The following CACNA2D3 variants were observed in gnomAD, a reference collection of about 807,000 sequenced individuals.
CACNA2D3 encodes the protein calcium voltage-gated channel auxiliary subunit alpha2delta 3, also known as voltage-dependent calcium channel subunit alpha-2/delta-3.
Under a neutral mutation model 160.6 loss-of-function variants are expected in CACNA2D3, and 60 were observed. That is an observed-to-expected ratio of 0.37 (90% CI 0.30 to 0.46). The LOEUF is 0.46. CACNA2D3 is among the 20% of genes least tolerant of loss of function. The probability of loss-of-function intolerance (pLI) is 1.00; values close to 1 mark genes in which losing one functional copy is unlikely to be tolerated. For missense variants in CACNA2D3, 1,205 were observed against 1,365.0 expected, an observed-to-expected ratio of 0.88 and a Z score of 1.85; for synonymous variants, 558 against 492.9, an observed-to-expected ratio of 1.13 and a Z score of -1.75.
intron 4 of CACNA2D3, among the ~76,000 whole-genome samples, chr3:54,488,665 C>T (rs560267680): frequency 3.3e-5 from 5 of 152,264 alleles, no homozygotes; most frequent in Admixed American, 1.3e-4. Flanking sequence ...TCTCTTTCTT[C>T]GCATTCCTTC....
intron 3 of CACNA2D3, among the ~76,000 whole-genome samples, chr3:54,367,246 A>G (rs747710982): frequency 2.6e-5 from 4 of 152,152 alleles, no homozygotes; most frequent in Non-Finnish European, 5.9e-5. Flanking sequence ...AATTTTGTTC[A>G]CTAGACTCAC....
intron 13 of CACNA2D3, among the ~76,000 whole-genome samples, chr3:54,793,889 A>C (rs1490500089): frequency 6.6e-6 from 1 of 152,118 alleles, no homozygotes; most frequent in Admixed American, 6.5e-5. Flanking sequence ...CTCATTCCAA[A>C]TTCATTTTCT....
chr3:54,877,588 T>C (rs552787410), intron 18 of CACNA2D3, among the ~76,000 whole-genome samples: 1 of 152,306 alleles, frequency 6.6e-6, no homozygotes, highest in East Asian at 1.9e-4. Context: ...ATTCCTTAAC[T>C]ACAGTGCCAT....
rs1004746541 is a variant in CACNA2D3, at chr3:54,838,484, G to C, written c.1471-84G>C. 2.8e-6 allele frequency: 3 copies of C among 1,070,688 alleles called. No individual in the cohort carries two copies. The African/African-American group carries it at 4.6e-5, about 17-fold the overall frequency. The allele number at this position is 1,070,688 out of a possible 1,614,324, so 66.3% of individuals were successfully genotyped here. On this transcript the variant is annotated intron_variant, in intron 15 of 37. Coordinates refer to ENST00000474759, the MANE Select transcript of CACNA2D3 (RefSeq NM_018398.3). ...ATCAGTTTGGGGAAGGCACCAGGCA[G>C]ACGGTATGTGACTTCTCGTGAGATT...
chr3:54,827,218 T>G (rs1452175299), intron 14 of CACNA2D3, among the ~76,000 whole-genome samples: 2 of 152,254 alleles, frequency 1.3e-5, no homozygotes, highest in African/African-American at 4.8e-5. Context: ...GCACTTTGCC[T>G]TTTTAACTCC....
chr3:54,220,845 C>T (rs1015123312), intron 2 of CACNA2D3, among the ~76,000 whole-genome samples: 3 of 152,136 alleles, frequency 2.0e-5, no homozygotes, highest in African/African-American at 7.2e-5. Context: ...AGTGCTTGGC[C>T]CAGAGTAGGT....
At chr3:54,522,409 T>C (rs892045751) in intron 5 of CACNA2D3, among the ~76,000 whole-genome samples, 1 of 152,208 alleles carries the variant, frequency 6.6e-6, no homozygotes, top group East Asian at 1.9e-4. Context: ...GTTTATTAGT[T>C]GTAATAGTTT....
chr3:54,807,766 T>A (rs1281275391), intron 13 of CACNA2D3, among the ~76,000 whole-genome samples: 1 of 152,072 alleles, frequency 6.6e-6, no homozygotes, highest in East Asian at 1.9e-4. Context: ...ATATGTTTAT[T>A]GTGGCACTAT....
intron 5 of CACNA2D3, among the ~76,000 whole-genome samples, chr3:54,513,159 T>C (rs1424272720): frequency 2.6e-5 from 4 of 152,160 alleles, no homozygotes; most frequent in Non-Finnish European, 4.4e-5. Flanking sequence ...TGCTCTGCTT[T>C]CCTTTTGCTG....
intron 31 of CACNA2D3, among the ~76,000 whole-genome samples, chr3:54,991,518 C>T (rs566600485): frequency 8.5e-5 from 13 of 152,254 alleles, no homozygotes; most frequent in South Asian, 2.1e-4. Flanking sequence ...TCATCATGCC[C>T]GGCCTCTTGC....
At chr3:54,389,003 G>T (rs1699235492) in intron 4 of CACNA2D3, among the ~76,000 whole-genome samples, 1 of 143,696 alleles carries the variant, frequency 7.0e-6, no homozygotes, top group African/African-American at 2.5e-5. Flanking sequence ...CAGATAGATA[G>T]ATTAAAAAAT....
chr3:54,373,174 T>C (rs1263674556), intron 3 of CACNA2D3, among the ~76,000 whole-genome samples: 1 of 152,202 alleles, frequency 6.6e-6, no homozygotes, highest in African/African-American at 2.4e-5. Context: ...GCCACCAGTG[T>C]CGTATTAATC....
rs78804671 is a variant in CACNA2D3 at position 54,190,889 on chromosome 3, G to A, written c.204+67295G>A. Among the ~76,000 whole-genome samples, 2,169 of 152,026 alleles carry A rather than the reference G, an allele frequency of 0.014. 120 individuals are homozygous for A. In the East Asian group the frequency reaches 0.21, roughly 14 times the overall value. On this transcript the variant is annotated intron_variant, in intron 2 of 37. Coordinates refer to ENST00000474759, the MANE Select transcript of CACNA2D3 (RefSeq NM_018398.3). ...GATCTTGGATAAAAGACTTAACCTC[G>A]TTGGGCCTCTGTTTTCTCATCTGTA... is the stretch of plus-strand genomic sequence containing the variant.
intron 9 of CACNA2D3, among the ~76,000 whole-genome samples, chr3:54,615,576 A>G (rs1394456911): frequency 6.6e-6 from 1 of 152,216 alleles, no homozygotes; most frequent in Admixed American, 6.5e-5. Flanking sequence ...CTTAACATGA[A>G]TCCTCATTCA....
chr3:54,277,116 GGAGGCC>G (rs1702760951), intron 2 of CACNA2D3, among the ~76,000 whole-genome samples: 1 of 152,210 alleles, frequency 6.6e-6, no homozygotes, highest in South Asian at 2.1e-4. Context: ...CCTGGGCCAG[GGAGGCC>G]CCCACACGCT....
intron 13 of CACNA2D3, among the ~76,000 whole-genome samples, chr3:54,802,000 G>A (rs1703000495): frequency 6.6e-6 from 1 of 152,164 alleles, no homozygotes; most frequent in African/African-American, 2.4e-5. Flanking sequence ...TTAGAATGAG[G>A]ACATGACTAG....
In CACNA2D3 at chr3:54,718,016, A is replaced by G. The variant is rs549813929; in HGVS notation, c.1168-34583A>G. ...ATATGAAATACAGATATTTATTTGTATATTGGCTATGCCTATGTATTTTTT... is the reference window on the plus strand; with the variant it reads ...ATATGAAATACAGATATTTATTTGTGTATTGGCTATGCCTATGTATTTTTT... On this transcript the variant is annotated intron_variant, in intron 11 of 37. Coordinates refer to ENST00000474759, the MANE Select transcript of CACNA2D3 (RefSeq NM_018398.3). Among the ~76,000 whole-genome samples, 13 of 152,306 alleles carry G rather than the reference A, an allele frequency of 8.5e-5. No homozygotes were observed. In the South Asian group the frequency reaches 2.7e-3, roughly 32 times the overall value.
intron 3 of CACNA2D3, among the ~76,000 whole-genome samples, chr3:54,337,308 G>A (rs1195048374): frequency 9.2e-5 from 14 of 152,154 alleles, no homozygotes. Flanking sequence ...GAGGTAGGTG[G>A]TATTATTACC....
At chr3:54,759,211 C>G (rs976245788) in intron 12 of CACNA2D3, among the ~76,000 whole-genome samples, 2 of 152,148 alleles carry the variant, frequency 1.3e-5, no homozygotes, top group Non-Finnish European at 2.9e-5. Context: ...GCATTAATTG[C>G]TCCTTGGTAA....
Sources: allele counts gnomAD v4.1 joint callset (sites outside exome capture counted in the v4.1 genomes callset), GRCh38; gene constraint gnomAD v4.1.1; transcripts MANE v1.5; gene names NCBI Gene and HGNC (gene_info 2026-07-23, HGNC 2026-07-21).